ZNF778: variants seen among roughly 807,000 people sequenced by gnomAD.
ZNF778 encodes zinc finger protein 778.
A neutral mutation model predicts 23.9 loss-of-function variants in ZNF778; 37 were observed. The ratio of observed to expected loss-of-function variants is 1.54; its 90% CI spans 1.19 to 2.03. The LOEUF (loss-of-function observed/expected upper bound fraction) is 2.03, where lower values mean the gene tolerates loss of function less well. ZNF778 is among the 30% of genes most tolerant of loss of function. The pLI, the probability that ZNF778 is intolerant of heterozygous loss-of-function variation, is 0.00. For missense variants in ZNF778, 1,297 were observed against 934.4 expected (o/e 1.39, Z -5.06); for synonymous variants, 483 against 343.9 (o/e 1.40, Z -4.48).
At position 89,233,962 on chromosome 16, in the gene ZNF778, A is replaced by C; in HGVS notation, c.*5400A>C. 2 of 1,270,386 alleles carry C rather than the reference A, an allele frequency of 1.6e-6. No homozygotes were observed. The highest frequency in any genetic ancestry group is 2.1e-6 in the Non-Finnish European group (2 of 971,582). The allele number at this position is 1,270,386 out of a possible 1,614,324, so 78.7% of individuals were successfully genotyped here. A position where few individuals can be genotyped will look rare whatever the true frequency, so the allele number is the denominator to read the frequency against. ...GCCCTTGGGCCTGCTGGAAGTATGCAGACTAGCCAGCCCCAGACTTCATCC... is the reference window on the plus strand; with the variant it reads ...GCCCTTGGGCCTGCTGGAAGTATGCCGACTAGCCAGCCCCAGACTTCATCC... On this transcript the variant is annotated 3_prime_UTR_variant, in exon 7 of 7. Transcript: ENST00000433976.
intron 3 of ZNF778, among the ~76,000 whole-genome samples, chr16:89,222,888 C>T (rs1299838443): frequency 1.6e-5 from 2 of 127,872 alleles, no homozygotes; most frequent in Non-Finnish European, 3.5e-5. Context: ...TCGTTGCGGC[C>T]GTGTGACTGG....
Position 89,229,323 on chromosome 16 carries a change from G to T in ZNF778, c.*761G>T, listed in dbSNP as rs1024402977. The T allele has an allele frequency of 2.0e-6, 2 of 984,538 alleles. No homozygotes were observed. Among genetic ancestry groups the T allele is most frequent in the Non-Finnish European group, 2.4e-6 (2 of 829,886 alleles). 61.0% of individuals were successfully genotyped at this position (984,538 alleles called of 1,614,324 possible). On this transcript the variant is annotated 3_prime_UTR_variant, in exon 7 of 7. Transcript: ENST00000433976. ...TGATTCTGTGAGCAGTGTAAGCTCT[G>T]GTTGGTTAGTCTTCAGGATCCAGAT...
In ZNF778 at chr16:89,231,340, G is replaced by A. The variant is rs531947046; in HGVS notation, c.*2778G>A. ...AACTTGTGGGTCACAGGTGACGCCA[G>A]GACTGCATCATCCTGGTGCTCGGAC... On this transcript the variant is annotated 3_prime_UTR_variant, in exon 7 of 7. Transcript: ENST00000433976. 2 of 152,298 alleles carry A rather than the reference G, an allele frequency of 1.3e-5. No homozygotes were observed. The highest frequency in any genetic ancestry group is 3.9e-4 in the East Asian group (2 of 5,176). 9.4% of individuals were successfully genotyped at this position (152,298 alleles called of 1,614,324 possible).
chr16:89,221,012 C>T lies in ZNF778; in HGVS notation c.-116C>T. On this transcript the variant is annotated 5_prime_UTR_variant, in exon 2 of 7. Transcript: ENST00000433976. ...TGATTGCTAGGAAATAGGGATCCAG[C>T]CATCCGTGGGTCAGGAGGAATGGAG... 5.4e-6 allele frequency: 6 copies of T among 1,120,280 alleles called. No individual in the cohort carries two copies. Among genetic ancestry groups the T allele is most frequent in the South Asian group, 4.2e-5 (3 of 71,910 alleles). 69.4% of individuals were successfully genotyped at this position (1,120,280 alleles called of 1,614,324 possible).
rs1324164523 is a variant in ZNF778, at chr16:89,225,578, C to G, written c.352C>G (p.Pro118Ala). Reference protein sequence around the residue: ...LQEWRLKTKGPALRQDRSWFR... With the variant: ...LQEWRLKTKGAALRQDRSWFR... ...AGAATGGCGACTTAAAACCAAAGGGCCAGCACTTCGGCAGGATAGATCTTG... is the reference window on the plus strand; with the variant it reads ...AGAATGGCGACTTAAAACCAAAGGGGCAGCACTTCGGCAGGATAGATCTTG... Residue 118 changes from proline to alanine, a missense_variant, in exon 6 of 7, where the codon CCA becomes GCA. Pro to Ala is a conservative substitution (Grantham distance 27). Coordinates refer to ENST00000433976, the MANE Select transcript of ZNF778 (RefSeq NM_001201407.2). 1.9e-6 allele frequency: 3 copies of G among 1,611,146 alleles called. No individual in the cohort carries two copies. The highest frequency in any genetic ancestry group is 2.7e-5 in the African/African-American group (2 of 74,794).
In ZNF778 at chr16:89,222,139, C is replaced by CA. The variant is rs767307084; in HGVS notation, c.74dup (p.Ala26GlyfsTer20). ...AGTCTGCCTTCATGAAGAACAGACA[C>CA]AGGCAGCAGGGATGGTGGCTGGCTG... On this transcript the variant is annotated frameshift_variant, in exon 3 of 7. Transcript: ENST00000433976. LOFTEE classifies it high-confidence loss of function. 1 of 1,606,724 alleles carries CA rather than the reference C, an allele frequency of 6.2e-7. No homozygotes were observed. The highest frequency in any genetic ancestry group is 2.2e-5 in the East Asian group (1 of 44,454).
rs1188947120 is a variant in ZNF778 at position 89,225,617 on chromosome 16, A to G, written c.391A>G (p.Asn131Asp). The G allele has an allele frequency of 1.9e-6, 3 of 1,612,974 alleles. No homozygotes were observed. The highest frequency in any genetic ancestry group is 2.2e-5 in the South Asian group (2 of 91,022). ...RQDRSWFRAS[N>D]ETQTARSHNG... is the part of the protein sequence containing the mutation. ...GGATAGATCTTGGTTCAGAGCATCA[A>G]ATGAGACACAGACGGTAAGATTAAC... is the stretch of plus-strand genomic sequence containing the variant. Residue 131 changes from asparagine (N) to aspartate (D), a missense_variant, in exon 6 of 7, where the codon AAT becomes GAT. By Grantham distance (23) the Asn-to-Asp change is conservative. Transcript: ENST00000433976.
chr16:89,232,389 T>C lies in ZNF778; in HGVS notation c.*3827T>C, dbSNP rs1006238244. On this transcript the variant is annotated 3_prime_UTR_variant, in exon 7 of 7. Transcript: ENST00000433976. ...GAACCATGAGCCAAATAAGCCTCTT[T>C]CTAAGTTACCCACAGCCTCAGATAT... 1.0e-4 allele frequency: 30 copies of C among 300,330 alleles called. No individual in the cohort carries two copies. The highest frequency in any genetic ancestry group is 9.3e-4 in the South Asian group (30 of 32,324). The allele number at this position is 300,330 out of a possible 1,614,324, so 18.6% of individuals were successfully genotyped here.
rs1216871015 is a variant in ZNF778 at position 89,230,320 on chromosome 16, A to ACCACC, written c.*1760_*1761insACCCC. The stretch of plus-strand genomic sequence containing the variant: ...CACGTGGGGAGGAGGGAATTCCTGT[A>ACCACC]CCTTAGGCAGTGCCGGACGGGTGAG... On this transcript the variant is annotated 3_prime_UTR_variant, in exon 7 of 7. Coordinates refer to ENST00000433976, the MANE Select transcript of ZNF778 (RefSeq NM_001201407.2). 1.3e-5 allele frequency: 2 copies of ACCACC among 154,292 alleles called. No individual in the cohort carries two copies. The highest frequency in any genetic ancestry group is 6.5e-5 in the Admixed American group (1 of 15,272). The allele number at this position is 154,292 out of a possible 1,614,324, so 9.6% of individuals were successfully genotyped here.
chr16:89,225,117 T>G lies in ZNF778; in HGVS notation c.328+315T>G, dbSNP rs1173017930. Among the ~76,000 whole-genome samples, 3 of 91,430 alleles carry G rather than the reference T, an allele frequency of 3.3e-5. No homozygotes were observed. The Admixed American group carries it at 4.2e-4, about 13-fold the overall frequency. 60.0% of individuals were successfully genotyped at this position (91,430 alleles called of 152,430 possible). On this transcript the variant is annotated intron_variant, in intron 5 of 6. Transcript: ENST00000433976. ...TTGTTCTTTCAGTTTGTGGGTTTTT[T>G]TTTTTTTTTTTTTTTTGAGACGGAG... is the stretch of plus-strand genomic sequence containing the variant.
chr16:89,218,935 C>T (rs2030640609), intron 1 of ZNF778, among the ~76,000 whole-genome samples: 1 of 152,028 alleles, frequency 6.6e-6, no homozygotes, highest in Non-Finnish European at 1.5e-5. Context: ...TGGAGAAATC[C>T]CGTCTCTACT....
intron 2 of ZNF778, among the ~76,000 whole-genome samples, chr16:89,221,386 G>T (rs1440997038): frequency 6.6e-6 from 1 of 152,152 alleles, no homozygotes; most frequent in Non-Finnish European, 1.5e-5. Context: ...GAAGAGTCAC[G>T]TTCCTCAAGG....
In ZNF778 at chr16:89,226,707, A is replaced by G; in HGVS notation, c.419A>G (p.Asn140Ser). Residue 140 changes from asparagine to serine, a missense_variant, in exon 7 of 7, where the codon AAT (asparagine) becomes AGT (serine). Coordinates refer to ENST00000433976, the MANE Select transcript of ZNF778 (RefSeq NM_001201407.2). Reference sequence around the variant, plus strand: ...CTTCACCAACAGGCAAGAAGCCACAATGGAGGGCAGCTCTGTGACCGCACG... The same window carrying G: ...CTTCACCAACAGGCAAGAAGCCACAGTGGAGGGCAGCTCTGTGACCGCACG... ...SNETQTARSH[N>S]GGQLCDRTQC... The G allele has an allele frequency of 6.2e-7, 1 of 1,610,564 alleles. No homozygotes were observed. Among genetic ancestry groups the G allele is most frequent in the Non-Finnish European group, 8.5e-7 (1 of 1,177,404 alleles).
At chr16:89,221,551 CTG>C (rs1419963574) in intron 2 of ZNF778, among the ~76,000 whole-genome samples, 2 of 147,222 alleles carry the variant, frequency 1.4e-5, no homozygotes, top group Non-Finnish European at 3.0e-5. Flanking sequence ...CTGTATGGCT[CTG>C]TGTGTGTGTT....
intron 4 of ZNF778, 61 bp downstream of exon 4, chr16:89,223,344 T>C (rs2031155127): frequency 1.9e-6 from 3 of 1,600,238 alleles, no homozygotes; most frequent in South Asian, 2.3e-5. Context: ...GTCCTTACTG[T>C]GTTCCAGGGT....
In ZNF778 at chr16:89,225,580, A is replaced by G; in HGVS notation, c.354A>G (p.Pro118=). 2 of 1,612,068 alleles carry G rather than the reference A, an allele frequency of 1.2e-6. No individual in the cohort carries two copies. The highest frequency in any genetic ancestry group is 1.7e-6 in the Non-Finnish European group (2 of 1,178,774). ...LQEWRLKTKG[P]ALRQDRSWFR... ...AATGGCGACTTAAAACCAAAGGGCCAGCACTTCGGCAGGATAGATCTTGGT... is the reference window on the plus strand; with the variant it reads ...AATGGCGACTTAAAACCAAAGGGCCGGCACTTCGGCAGGATAGATCTTGGT... The change falls in exon 6 of 7, where the codon CCA becomes CCG. Residue 118 remains proline (P), a synonymous_variant. Coordinates refer to ENST00000433976, the MANE Select transcript of ZNF778 (RefSeq NM_001201407.2).
At chr16:89,218,659 CG>C (rs2151626662) in intron 1 of ZNF778, among the ~76,000 whole-genome samples, 1 of 152,154 alleles carries the variant, frequency 6.6e-6, no homozygotes, top group South Asian at 2.1e-4. Context: ...GGCGTGGTGG[CG>C]GGCTCCTGTA....
chr16:89,229,176 C>G lies in ZNF778; in HGVS notation c.*614C>G. The stretch of plus-strand genomic sequence containing the variant: ...CGTCGCAGCCTGGCTAACAGTAGGC[C>G]TTGAGGACTCAGATGTGATCCTGTG... On this transcript the variant is annotated 3_prime_UTR_variant, in exon 7 of 7. Coordinates refer to ENST00000433976, the MANE Select transcript of ZNF778 (RefSeq NM_001201407.2). 1 of 985,966 alleles carries G rather than the reference C, an allele frequency of 1.0e-6. No homozygotes were observed. Among genetic ancestry groups the G allele is most frequent in the Non-Finnish European group, 1.2e-6 (1 of 830,368 alleles). 61.1% of individuals were successfully genotyped at this position (985,966 alleles called of 1,614,324 possible).
chr16:89,222,064 A>T (rs1447015479), intron 2 of ZNF778, 28 bp from the exon 3 acceptor site: 1 of 1,548,258 alleles, frequency 6.5e-7, no homozygotes, highest in African/African-American at 1.4e-5. Context: ...CTGGGTTCTC[A>T]TGCCTTCTTG....
Sources: gnomAD v4.1 joint callset for allele counts (sites outside exome capture counted in the v4.1 genomes callset) on GRCh38, gnomAD v4.1.1 for gene constraint, MANE v1.5 for transcripts, NCBI Gene and HGNC (gene_info 2026-07-23, HGNC 2026-07-21) for gene names.